The following FCHO2 variants were observed in gnomAD, a reference collection of about 807,000 sequenced individuals.
FCHO2 encodes the protein FCH and mu domain containing endocytic adaptor 2.
Under a neutral mutation model 114.1 loss-of-function variants are expected in FCHO2, and 43 were observed. The observed-to-expected ratio is 0.38, with a 90% CI of 0.30 to 0.49. The LOEUF (loss-of-function observed/expected upper bound fraction) is 0.49. FCHO2 is among the 20% of genes least tolerant of loss of function. The pLI is 0.97. For synonymous variants in FCHO2, 293 were observed against 315.2 expected, an observed-to-expected ratio of 0.93 and a Z score of 0.75; for missense variants, 807 against 950.4, an observed-to-expected ratio of 0.85 and a Z score of 1.98.
chr5:72,996,243 C>CAAAAAAAAAAAAAAAA (rs371371047), intron 5 of FCHO2, among the ~76,000 whole-genome samples: 1 of 110,962 alleles, frequency 9.0e-6, no homozygotes, highest in Non-Finnish European at 1.8e-5. Flanking sequence ...AACTCTGTCT[C>CAAAAAAAAAAAAAAAA]AAAAAAAAAA....
chr5:73,032,803 T>C (rs568679700), intron 8 of FCHO2, among the ~76,000 whole-genome samples: 2 of 152,296 alleles, frequency 1.3e-5, no homozygotes, highest in South Asian at 4.1e-4. Context: ...TGTAGGAGAA[T>C]TTTTGACTAA....
chr5:73,052,427 A>T lies in FCHO2; in HGVS notation c.1093A>T (p.Asn365Tyr), dbSNP rs1192072487. 6.2e-7 allele frequency: 1 copy of T among 1,603,400 alleles called. No homozygotes were observed. Among genetic ancestry groups the T allele is most frequent in the Non-Finnish European group, 8.5e-7 (1 of 1,174,368 alleles). ...YRIEIKPMHP[N>Y]NSHHTMASLD... ...GATAGAAATTAAGCCTATGCATCCA[A>T]ATAACTCACATCACACAATGGCTTC... The change falls in exon 13 of 26, where the codon AAT becomes TAT. Residue 365 changes from asparagine to tyrosine, a missense_variant. Asn to Tyr is a moderately radical substitution (Grantham distance 143). Transcript: ENST00000430046.
chr5:72,967,419 A>G (rs1218332965), intron 1 of FCHO2, among the ~76,000 whole-genome samples: 2 of 152,198 alleles, frequency 1.3e-5, no homozygotes, highest in Non-Finnish European at 2.9e-5. Context: ...GTGATACTCA[A>G]TGCTGATGTG....
rs114778172 is a variant in FCHO2, at chr5:73,064,706, C to A, written c.1449+762C>A. 5.6e-3 allele frequency among the ~76,000 whole-genome samples: 853 copies of A among 152,098 alleles called. 14 individuals are homozygous for A. Among genetic ancestry groups the A allele is most frequent in the African/African-American group, 0.02 (818 of 41,516 alleles). On this transcript the variant is annotated intron_variant, in intron 18 of 25. Coordinates refer to ENST00000430046, the MANE Select transcript of FCHO2 (RefSeq NM_138782.3). ...CAGACTAACTGTCCATCTTTCTCCC[C>A]TTTTCAACCTAGGTTCCAGCCACTT...
intron 8 of FCHO2, chr5:73,020,854 C>G: frequency 1.0e-6 from 1 of 964,782 alleles, no homozygotes; most frequent in Non-Finnish European, 1.7e-6. Flanking sequence ...GATATTTACT[C>G]TGACCATTAA....
intron 1 of FCHO2, among the ~76,000 whole-genome samples, chr5:72,959,270 G>A (rs1031441315): frequency 1.3e-5 from 2 of 152,186 alleles, no homozygotes; most frequent in African/African-American, 4.8e-5. Flanking sequence ...ACTTTGGGAG[G>A]CTGAGGCAGG....
At chr5:73,076,278 G>A (rs1450675426) in intron 20 of FCHO2, among the ~76,000 whole-genome samples, 4 of 152,212 alleles carry the variant, frequency 2.6e-5, no homozygotes. Flanking sequence ...CTTTGAGAGT[G>A]TTCAGGAGCC....
intron 20 of FCHO2, among the ~76,000 whole-genome samples, 187 bp downstream of exon 20, chr5:73,075,040 AT>A (rs1408479825): frequency 6.6e-6 from 1 of 152,164 alleles, no homozygotes; most frequent in Non-Finnish European, 1.5e-5. Flanking sequence ...ATGTACATTC[AT>A]TCATCAAATA....
chr5:73,021,057 G>T, intron 8 of FCHO2: 3 of 948,354 alleles, frequency 3.2e-6, no homozygotes, highest in Non-Finnish European at 5.2e-6. Flanking sequence ...AGTTTACCTG[G>T]TCCTCTCCCT....
At chr5:72,971,292 G>T (rs1284512463) in intron 2 of FCHO2, among the ~76,000 whole-genome samples, 1 of 151,656 alleles carries the variant, frequency 6.6e-6, no homozygotes, top group South Asian at 2.1e-4. Flanking sequence ...TTCCACAGTG[G>T]TTGAACTAGT....
intron 18 of FCHO2, among the ~76,000 whole-genome samples, chr5:73,065,197 T>C (rs924363589): frequency 6.6e-6 from 1 of 152,076 alleles, no homozygotes; most frequent in African/African-American, 2.4e-5. Flanking sequence ...AAGGTTATTA[T>C]TTAAGTAATA....
chr5:73,075,084 C>A (rs556941650), intron 20 of FCHO2, among the ~76,000 whole-genome samples: 1 of 152,252 alleles, frequency 6.6e-6, no homozygotes, highest in African/African-American at 2.4e-5. Flanking sequence ...GACTCTGTTA[C>A]ATGTGCACTG....
intron 11 of FCHO2, among the ~76,000 whole-genome samples, chr5:73,049,678 G>A (rs900688801): frequency 5.9e-5 from 9 of 151,974 alleles, no homozygotes; most frequent in African/African-American, 2.2e-4. Flanking sequence ...TCAACTTATG[G>A]GAATTTTATG....
At chr5:72,961,203 A>G (rs1751842188) in intron 1 of FCHO2, among the ~76,000 whole-genome samples, 1 of 152,152 alleles carries the variant, frequency 6.6e-6, no homozygotes. Flanking sequence ...TCTTTGGGAT[A>G]AAAAACATTA....
chr5:73,076,773 G>A (rs1042036318), intron 20 of FCHO2, among the ~76,000 whole-genome samples: 1 of 152,130 alleles, frequency 6.6e-6, no homozygotes, highest in African/African-American at 2.4e-5. Flanking sequence ...ACTATTGCAG[G>A]TTAGAGATAA....
chr5:73,071,705 T>G (rs1742663936), intron 19 of FCHO2, among the ~76,000 whole-genome samples: 2 of 152,086 alleles, frequency 1.3e-5, no homozygotes, highest in South Asian at 4.1e-4. Flanking sequence ...TCCTATTCAT[T>G]TTTTGAAGTA....
In FCHO2 at chr5:73,082,830, G is replaced by C. The variant is rs1743163265; in HGVS notation, c.2245+5G>C. The C allele has an allele frequency of 4.4e-6, 7 of 1,585,614 alleles. 1 individual carries two copies. The South Asian group carries it at 5.8e-5, about 13-fold the overall frequency. On this transcript the variant is annotated splice_donor_5th_base_variant and intron_variant, in intron 24 of 25. Transcript: ENST00000430046. ...CAGAAAAATCAGAAAATGGAGGTAA[G>C]TGTGTGTGTCCTTTTTTATTTATAA... is the stretch of plus-strand genomic sequence containing the variant.
chr5:73,024,321 T>A (rs1308173529), intron 8 of FCHO2, among the ~76,000 whole-genome samples: 1 of 152,124 alleles, frequency 6.6e-6, no homozygotes, highest in Non-Finnish European at 1.5e-5. Context: ...CTCAGCCTCC[T>A]GAAGTGCTGG....
rs183084335 is a variant in FCHO2, at chr5:72,987,412, A to G, written c.126-2015A>G. 1.9e-3 allele frequency among the ~76,000 whole-genome samples: 289 copies of G among 152,074 alleles called. 5 individuals carry two copies. Among genetic ancestry groups the G allele is most frequent in the African/African-American group, 6.5e-3 (270 of 41,476 alleles). On this transcript the variant is annotated intron_variant, in intron 2 of 25. Transcript: ENST00000430046. Reference sequence around the variant, plus strand: ...GAGTGCGGTGGCATGATCTTGGCTCACTGCAGCCTCCGCCTCCCGGATTCA... The same window carrying G: ...GAGTGCGGTGGCATGATCTTGGCTCGCTGCAGCCTCCGCCTCCCGGATTCA...
Sources: gnomAD v4.1 joint callset for allele counts (sites outside exome capture counted in the v4.1 genomes callset) on GRCh38, gnomAD v4.1.1 for gene constraint, MANE v1.5 for transcripts, NCBI Gene and HGNC (gene_info 2026-07-23, HGNC 2026-07-21) for gene names.